MAGOH: variants seen among roughly 807,000 people sequenced by gnomAD.
MAGOH encodes mago homolog, exon junction complex subunit, also known as protein mago nashi homolog.
MAGOH carries 3 observed loss-of-function variants against 20.9 expected under a neutral mutation model. The ratio of observed to expected loss-of-function variants is 0.14; its 90% CI spans 0.07 to 0.37. The LOEUF (loss-of-function observed/expected upper bound fraction) is 0.37, where lower values mean the gene tolerates loss of function less well. MAGOH is among the 10% of genes least tolerant of loss of function. The pLI, the probability that MAGOH is intolerant of heterozygous loss-of-function variation, is 1.00. For missense variants in MAGOH, 66 were observed against 178.1 expected (o/e 0.37, Z 3.58); for synonymous variants, 51 against 61.0 (o/e 0.84, Z 0.76).
intron 1 of MAGOH, among the ~76,000 whole-genome samples, chr1:53,236,915 C>T (rs1645612934): frequency 6.6e-6 from 1 of 151,932 alleles, no homozygotes; most frequent in African/African-American, 2.4e-5. Flanking sequence ...ATCTTTCTCT[C>T]CATTTCTACT....
intron 1 of MAGOH, among the ~76,000 whole-genome samples, chr1:53,236,541 T>C (rs1645611190): frequency 6.6e-6 from 1 of 152,232 alleles, no homozygotes; most frequent in Non-Finnish European, 1.5e-5. Flanking sequence ...GGTTTTCAGC[T>C]TCTTTGCATG....
At chr1:53,232,824 G>A (rs553792097) in intron 3 of MAGOH, among the ~76,000 whole-genome samples, 2 of 152,344 alleles carry the variant, frequency 1.3e-5, no homozygotes, top group South Asian at 2.1e-4. Flanking sequence ...AGACCAGTAG[G>A]ATGCGGCGGC....
chr1:53,236,335 A>G (rs1645610136), intron 1 of MAGOH, among the ~76,000 whole-genome samples: 1 of 152,200 alleles, frequency 6.6e-6, no homozygotes, highest in African/African-American at 2.4e-5. Context: ...GATCTATCAG[A>G]TTAGGTTACT....
At chr1:53,228,246 A>ATGG (rs1645569963) in intron 4 of MAGOH, among the ~76,000 whole-genome samples, 1 of 152,086 alleles carries the variant, frequency 6.6e-6, no homozygotes, top group Non-Finnish European at 1.5e-5. Flanking sequence ...CCTGGCCAAC[A>ATGG]TGGTGAAACC....
intron 3 of MAGOH, among the ~76,000 whole-genome samples, chr1:53,231,625 T>C (rs2100304137): frequency 6.6e-6 from 1 of 152,310 alleles, no homozygotes; most frequent in South Asian, 2.1e-4. Flanking sequence ...TTCCATATAT[T>C]CATAGGTTGG....
intron 3 of MAGOH, among the ~76,000 whole-genome samples, chr1:53,229,197 GTT>G (rs779983646): frequency 2.1e-5 from 3 of 141,406 alleles, no homozygotes; most frequent in African/African-American, 2.6e-5. Flanking sequence ...ATCTATGTAG[GTT>G]TTTTTTTTTT....
At position 53,233,744 on chromosome 1, in the gene MAGOH, CAG is replaced by C. The variant is rs1296743638; in HGVS notation, c.148-94_148-93del. ...TGGAAGATAAAAATAACTGTTCCTGCAGACTTATTTCTGGCATCTCCTTAAGT... is the reference window on the plus strand; with the variant it reads ...TGGAAGATAAAAATAACTGTTCCTGCACTTATTTCTGGCATCTCCTTAAGT... On this transcript the variant is annotated intron_variant, in intron 2 of 4. Coordinates refer to ENST00000371470, the MANE Select transcript of MAGOH (RefSeq NM_002370.4). The C allele has an allele frequency of 9.5e-6, 8 of 838,296 alleles. No individual in the cohort carries two copies. In the African/African-American group the frequency reaches 1.3e-4, roughly 14 times the overall value. 51.9% of individuals were successfully genotyped at this position (838,296 alleles called of 1,614,324 possible).
chr1:53,233,662 A>C lies in MAGOH; in HGVS notation c.148-10T>G. On this transcript the variant is annotated splice_polypyrimidine_tract_variant and intron_variant, in intron 2 of 4. Coordinates refer to ENST00000371470, the MANE Select transcript of MAGOH (RefSeq NM_002370.4). ...TTTTATGTACATAAGCCTGAACGCAAGTTAAAAAACAAAATGTATGTTGTA... is the reference window on the plus strand; with the variant it reads ...TTTTATGTACATAAGCCTGAACGCACGTTAAAAAACAAAATGTATGTTGTA... 6.4e-7 allele frequency: 1 copy of C among 1,566,930 alleles called. No individual in the cohort carries two copies. Among genetic ancestry groups the C allele is most frequent in the Non-Finnish European group, 8.8e-7 (1 of 1,137,870 alleles).
intron 2 of MAGOH, among the ~76,000 whole-genome samples, chr1:53,234,872 C>T (rs551730037): frequency 1.3e-5 from 2 of 152,172 alleles, no homozygotes; most frequent in South Asian, 2.1e-4. Context: ...TTTGATGAAG[C>T]CTTAATGATG....
At chr1:53,228,317 A>G (rs1645570322) in intron 4 of MAGOH, among the ~76,000 whole-genome samples, 1 of 152,144 alleles carries the variant, frequency 6.6e-6, no homozygotes, top group Non-Finnish European at 1.5e-5. Flanking sequence ...CTGTAGTCCC[A>G]GCTACTCAGG....
Position 53,238,469 on chromosome 1 carries a change from G to A in MAGOH, c.-21C>T, listed in dbSNP as rs1367615674. On this transcript the variant is annotated 5_prime_UTR_variant, in exon 1 of 5. Transcript: ENST00000371470. ...TCCATGGCTCCCAAAAGACAACCGAGCCTGAACTTCCAAGAGCAAGCCGCA... is the reference window on the plus strand; with the variant it reads ...TCCATGGCTCCCAAAAGACAACCGAACCTGAACTTCCAAGAGCAAGCCGCA... 20 of 1,607,082 alleles carry A rather than the reference G, an allele frequency of 1.2e-5. No homozygotes were observed. The highest frequency in any genetic ancestry group is 1.6e-5 in the Non-Finnish European group (19 of 1,173,548).
intron 1 of MAGOH, among the ~76,000 whole-genome samples, chr1:53,237,531 G>A (rs569701049): frequency 3.2e-4 from 49 of 151,280 alleles, no homozygotes; most frequent in Non-Finnish European, 5.9e-4. Context: ...AAAATTAGCC[G>A]GGCGTGGTGG....
chr1:53,232,417 C>T (rs1217102382), intron 3 of MAGOH, among the ~76,000 whole-genome samples: 2 of 151,960 alleles, frequency 1.3e-5, no homozygotes. Context: ...ACAAAGACAA[C>T]ACATATTGTG....
At position 53,233,659 on chromosome 1, in the gene MAGOH, G is replaced by A. The variant is rs371237780; in HGVS notation, c.148-7C>T. ...CGCTTTTATGTACATAAGCCTGAAC[G>A]CAAGTTAAAAAACAAAATGTATGTT... On this transcript the variant is annotated splice_region_variant and splice_polypyrimidine_tract_variant and intron_variant, in intron 2 of 4. Coordinates refer to ENST00000371470, the MANE Select transcript of MAGOH (RefSeq NM_002370.4). 20 of 1,579,492 alleles carry A rather than the reference G, an allele frequency of 1.3e-5. No homozygotes were observed. Among genetic ancestry groups the A allele is most frequent in the South Asian group, 2.2e-5 (2 of 89,884 alleles).
chr1:53,233,709 C>CA, intron 2 of MAGOH, 57 bp from the exon 3 acceptor site: 1 of 1,082,616 alleles, frequency 9.2e-7, no homozygotes, highest in South Asian at 1.3e-5. Context: ...TGCTTTGACT[C>CA]AGATAGTGAT....
At chr1:53,231,040 A>G (rs961303154) in intron 3 of MAGOH, among the ~76,000 whole-genome samples, 57 of 152,088 alleles carry the variant, frequency 3.7e-4, no homozygotes, top group African/African-American at 1.3e-3. Flanking sequence ...TTACTCCCTA[A>G]CGCGGTTATA....
intron 3 of MAGOH, 145 bp downstream of exon 3, chr1:53,233,397 G>C (rs1645595631): frequency 1.8e-6 from 1 of 561,858 alleles, no homozygotes; most frequent in African/African-American, 1.9e-5. Context: ...AAATAATTAT[G>C]TTCTATTTCT....
intron 3 of MAGOH, among the ~76,000 whole-genome samples, chr1:53,229,656 T>A (rs1453418914): frequency 6.6e-6 from 1 of 152,184 alleles, no homozygotes; most frequent in Non-Finnish European, 1.5e-5. Context: ...TGGTGACTCA[T>A]ACCTGTAATC....
chr1:53,233,417 T>TC, intron 3 of MAGOH, 125 bp downstream of exon 3: 1 of 615,586 alleles, frequency 1.6e-6, no homozygotes, highest in Non-Finnish European at 3.0e-6. Context: ...TCTTTGTATC[T>TC]CCACAATGCT....
Sources: gnomAD v4.1 joint callset for allele counts (sites outside exome capture counted in the v4.1 genomes callset) on GRCh38, gnomAD v4.1.1 for gene constraint, MANE v1.5 for transcripts, NCBI Gene and HGNC (gene_info 2026-07-23, HGNC 2026-07-21) for gene names.